Variants in SGSM1 observed in about 807,000 individuals in gnomAD.
SGSM1 encodes small G protein signaling modulator 1.
Under a neutral mutation model 133.8 loss-of-function variants are expected in SGSM1, and 73 were observed. That is an observed-to-expected ratio of 0.55 (90% CI 0.45 to 0.66). The LOEUF (loss-of-function observed/expected upper bound fraction) is 0.66, where lower values mean the gene tolerates loss of function less well. SGSM1 is among the 30% of genes least tolerant of loss of function. SGSM1 has a pLI of 0.00. For synonymous variants in SGSM1, 563 were observed against 573.0 expected (o/e 0.98, Z 0.25); for missense variants, 1,213 against 1,448.1 (o/e 0.84, Z 2.64).
chr22:24,874,728 C>T, intron 12 of SGSM1: 1 of 1,071,130 alleles, frequency 9.3e-7, no homozygotes, highest in Non-Finnish European at 1.3e-6. Context: ...AGCCTCCACT[C>T]TATGGAAGGC....
chr22:24,909,159 G>C (rs1466392710), intron 21 of SGSM1, among the ~76,000 whole-genome samples: 4 of 152,138 alleles, frequency 2.6e-5, no homozygotes, highest in Non-Finnish European at 5.9e-5. Context: ...GATCTGAGGT[G>C]GAACAGTTTC....
At chr22:24,820,902 A>C (rs1194785112) in intron 2 of SGSM1, among the ~76,000 whole-genome samples, 2 of 152,248 alleles carry the variant, frequency 1.3e-5, no homozygotes, top group African/African-American at 4.8e-5. Flanking sequence ...GAAATGGATG[A>C]GAAAACAGCA....
At chr22:24,882,593 A>G (rs955117558) in intron 14 of SGSM1, among the ~76,000 whole-genome samples, 1 of 152,192 alleles carries the variant, frequency 6.6e-6, no homozygotes, top group Non-Finnish European at 1.5e-5. Context: ...CCACTATACC[A>G]TCCAATACAA....
intron 22 of SGSM1, among the ~76,000 whole-genome samples, chr22:24,914,753 G>A (rs946416968): frequency 2.0e-5 from 3 of 152,094 alleles, no homozygotes; most frequent in Admixed American, 6.5e-5. Context: ...TGAGAGGCTC[G>A]TCAACCACGG....
intron 2 of SGSM1, among the ~76,000 whole-genome samples, chr22:24,833,452 G>C (rs1484919380): frequency 6.6e-6 from 1 of 151,696 alleles, no homozygotes; most frequent in East Asian, 2.0e-4. Context: ...GAGGTCAAGA[G>C]ATCGAGACCA....
Position 24,905,183 on chromosome 22 carries a change from T to C in SGSM1, c.2814T>C (p.Asp938=). 6.2e-7 allele frequency: 1 copy of C among 1,613,902 alleles called. No homozygotes were observed. The highest frequency in any genetic ancestry group is 1.1e-5 in the South Asian group (1 of 91,082). The change falls in exon 21 of 25, where the codon GAT becomes GAC. Residue 938 remains aspartate, a synonymous_variant. Coordinates refer to ENST00000400358, the MANE Select transcript of SGSM1 (RefSeq NM_001098497.3). ...TGGCTCCACTGCTGGTCATTCTGGA[T>C]GATGGTGAGTGTGTCTTTACTGCCC... ...DLLAPLLVIL[D]DEALAFSCFT...
In SGSM1 at chr22:24,855,350, G is replaced by C; in HGVS notation, c.589G>C (p.Ala197Pro). The change falls in exon 7 of 25, where the codon GCT (alanine) becomes CCT (proline). Residue 197 changes from alanine to proline, a missense_variant. Transcript: ENST00000400358. ...AGATCACTTCTGGACCGATCCCTCG[G>C]CTGACGAACTTGTCCAGAGGCACCG... ...TADHFWTDPS[A>P]DELVQRHRIH... 1 of 1,613,454 alleles carries C rather than the reference G, an allele frequency of 6.2e-7. No homozygotes were observed. The highest frequency in any genetic ancestry group is 8.5e-7 in the Non-Finnish European group (1 of 1,179,700).
intron 2 of SGSM1, among the ~76,000 whole-genome samples, chr22:24,808,544 C>T (rs1601877325): frequency 6.6e-6 from 1 of 152,226 alleles, no homozygotes. Context: ...TAATATGTGT[C>T]CCTGAGATGT....
intron 2 of SGSM1, among the ~76,000 whole-genome samples, chr22:24,828,060 T>A (rs913704106): frequency 6.6e-6 from 1 of 152,022 alleles, no homozygotes; most frequent in Non-Finnish European, 1.5e-5. Context: ...ATTGGTGCAG[T>A]CTTGGCAGGC....
At chr22:24,851,201 T>A (rs1246938173) in intron 5 of SGSM1, among the ~76,000 whole-genome samples, 2 of 152,118 alleles carry the variant, frequency 1.3e-5, no homozygotes, top group Non-Finnish European at 2.9e-5. Flanking sequence ...TTTTATAGTG[T>A]GAGCCCTCTT....
intron 2 of SGSM1, among the ~76,000 whole-genome samples, chr22:24,820,855 T>A (rs1928427073): frequency 6.6e-6 from 1 of 152,188 alleles, no homozygotes; most frequent in Non-Finnish European, 1.5e-5. Context: ...AGGCGGATAA[T>A]GACCGTGCAA....
intron 12 of SGSM1, 24 bp downstream of exon 12, chr22:24,868,879 C>CG (rs758756108): frequency 2.5e-6 from 4 of 1,610,484 alleles, no homozygotes; most frequent in Non-Finnish European, 3.4e-6. Context: ...TCCCGGGCCC[C>CG]GGGGAGTCAC....
chr22:24,902,122 A>G (rs759833591), intron 20 of SGSM1, among the ~76,000 whole-genome samples, 165 bp downstream of exon 20: 20 of 152,104 alleles, frequency 1.3e-4, no homozygotes, highest in Non-Finnish European at 2.1e-4. Context: ...ATAATATAGA[A>G]CATTTATTAA....
chr22:24,886,523 G>A (rs1859338400), intron 15 of SGSM1, 77 bp from the exon 16 acceptor site: 1 of 1,509,728 alleles, frequency 6.6e-7, no homozygotes, highest in Non-Finnish European at 8.9e-7. Context: ...GGCCAACATG[G>A]TGAAACCCCA....
intron 3 of SGSM1, among the ~76,000 whole-genome samples, chr22:24,846,031 CTCTTTCTT>C (rs1194689489): frequency 9.4e-6 from 1 of 106,678 alleles, no homozygotes; most frequent in Non-Finnish European, 1.9e-5. Context: ...CTCTCTTTCT[CTCTTTCTT>C]TCTTTTTTTT....
chr22:24,912,707 A>T lies in SGSM1; in HGVS notation c.2883A>T (p.Gly961=). The T allele has an allele frequency of 6.2e-7, 1 of 1,613,790 alleles. No homozygotes were observed. The highest frequency in any genetic ancestry group is 8.5e-7 in the Non-Finnish European group (1 of 1,179,898). The change falls in exon 22 of 25, where the codon GGA becomes GGT. Residue 961 remains glycine (G), a synonymous_variant. Coordinates refer to ENST00000400358, the MANE Select transcript of SGSM1 (RefSeq NM_001098497.3). Reference sequence around the variant, plus strand: ...GGATGAACCAGAACTTCCCCCACGGAGGCGCCATGGACACGCACTTTGCAA... The same window carrying T: ...GGATGAACCAGAACTTCCCCCACGGTGGCGCCATGGACACGCACTTTGCAA... ...MKRMNQNFPH[G]GAMDTHFANM...
chr22:24,884,177 G>A lies in SGSM1; in HGVS notation c.1620G>A (p.Glu540=). ...AGGGACTGACAGCCAGGATCTGGGA[G>A]CAGTACCTTCACGACAGCACAGTAA... ...AGQGLTARIW[E]QYLHDSTSYE... The change falls in exon 15 of 25, where the codon GAG becomes GAA. Residue 540 remains glutamate, a synonymous_variant. Coordinates refer to ENST00000400358, the MANE Select transcript of SGSM1 (RefSeq NM_001098497.3). The A allele has an allele frequency of 6.2e-7, 1 of 1,613,946 alleles. No individual in the cohort carries two copies. Among genetic ancestry groups the A allele is most frequent in the Non-Finnish European group, 8.5e-7 (1 of 1,179,854 alleles).
intron 12 of SGSM1, among the ~76,000 whole-genome samples, chr22:24,874,247 T>G (rs1309838880): frequency 1.3e-5 from 2 of 152,192 alleles, no homozygotes; most frequent in Non-Finnish European, 2.9e-5. Context: ...TGGCACTTTA[T>G]AAAAATCAGC....
intron 2 of SGSM1, among the ~76,000 whole-genome samples, chr22:24,839,271 C>T (rs1929652870): frequency 6.6e-6 from 1 of 152,034 alleles, no homozygotes; most frequent in Admixed American, 6.6e-5. Flanking sequence ...ACTGTGTTGC[C>T]CAGACTGGTT....
Sources: allele counts gnomAD v4.1 joint callset (sites outside exome capture counted in the v4.1 genomes callset), GRCh38; gene constraint gnomAD v4.1.1; transcripts MANE v1.5; gene names NCBI Gene and HGNC (gene_info 2026-07-23, HGNC 2026-07-21).